SVIL: variants seen among roughly 807,000 people sequenced by gnomAD.
SVIL encodes the protein archvillin.
A neutral mutation model predicts 240.4 loss-of-function variants in SVIL; 101 were observed. The ratio of observed to expected loss-of-function variants is 0.42; its 90% confidence interval spans 0.36 to 0.50. The LOEUF is 0.50. Ranked by LOEUF, SVIL falls within the 20% of genes least tolerant of loss-of-function variation. The probability of loss-of-function intolerance (pLI) is 0.01; values close to 1 mark genes in which losing one functional copy is unlikely to be tolerated. For synonymous variants in SVIL, 999 were observed against 1,100.0 expected (o/e 0.91, Z 1.82); for missense variants, 2,512 against 2,818.7 (o/e 0.89, Z 2.46).
intron 1 of SVIL, among the ~76,000 whole-genome samples, chr10:29,691,608 C>T (rs1961517384): frequency 6.6e-6 from 1 of 152,200 alleles, no homozygotes; most frequent in South Asian, 2.1e-4. Context: ...GTCCACTAAT[C>T]CTGTCTCAGA....
chr10:29,658,790 C>T (rs1959077522), intron 2 of SVIL, among the ~76,000 whole-genome samples: 1 of 152,094 alleles, frequency 6.6e-6, no homozygotes, highest in Non-Finnish European at 1.5e-5. Flanking sequence ...AATATGGAGG[C>T]TTGGGAACAG....
At chr10:29,493,419 G>C (rs763993548) in intron 20 of SVIL, 28 bp from the exon 21 acceptor site, 17 of 1,610,974 alleles carry the variant, frequency 1.1e-5, no homozygotes, top group Non-Finnish European at 1.4e-5. Context: ...AAAGACATAA[G>C]AGTTTTATAA....
At position 29,474,085 on chromosome 10, in the gene SVIL, G is replaced by C. The variant is rs1457784918; in HGVS notation, c.5378-96C>G. The C allele has an allele frequency of 3.3e-6, 5 of 1,495,740 alleles. No individual in the cohort carries two copies. In the Admixed American group the frequency reaches 6.3e-5, roughly 19 times the overall value. 92.7% of individuals were successfully genotyped at this position (1,495,740 alleles called of 1,614,324 possible). ...ACTTTCCCCGGGCCTGCAAGGACCAGTGGCAAAGAGCCTCGGACCTAGGGC... is the reference window on the plus strand; with the variant it reads ...ACTTTCCCCGGGCCTGCAAGGACCACTGGCAAAGAGCCTCGGACCTAGGGC... On this transcript the variant is annotated intron_variant, in intron 29 of 37. Coordinates refer to ENST00000355867, the MANE Select transcript of SVIL (RefSeq NM_021738.3).
At chr10:29,699,949 A>G (rs953146533) in intron 1 of SVIL, among the ~76,000 whole-genome samples, 1 of 152,262 alleles carries the variant, frequency 6.6e-6, no homozygotes, top group Non-Finnish European at 1.5e-5. Context: ...AAGTGATTTG[A>G]AAAGCTTACT....
At position 29,514,128 on chromosome 10, in the gene SVIL, C is replaced by A. The variant is rs552478214; in HGVS notation, c.3390-1267G>T. Among the ~76,000 whole-genome samples, 258 of 152,060 alleles carry A rather than the reference C, an allele frequency of 1.7e-3. 13 individuals are homozygous for A. The South Asian group carries it at 0.052, about 31-fold the overall frequency. On this transcript the variant is annotated intron_variant, in intron 16 of 37. Transcript: ENST00000355867. Reference sequence around the variant, plus strand: ...CCAGGTCTTATTGATATCACTAATGCATAATCCACAAATGGTATAAATATT... The same window carrying A: ...CCAGGTCTTATTGATATCACTAATGAATAATCCACAAATGGTATAAATATT...
At chr10:29,607,794 A>G (rs1485659705) in intron 1 of SVIL, among the ~76,000 whole-genome samples, 1 of 152,222 alleles carries the variant, frequency 6.6e-6, no homozygotes, top group African/African-American at 2.4e-5. Context: ...AAGGCAGCTC[A>G]AGGCTTCCCA....
intron 1 of SVIL, among the ~76,000 whole-genome samples, chr10:29,580,670 T>A (rs1003970015): frequency 2.0e-5 from 3 of 152,194 alleles, no homozygotes; most frequent in Admixed American, 6.5e-5. Context: ...TATGTATGTA[T>A]GTATGTATTT....
At chr10:29,676,979 C>T (rs1188189406) in intron 2 of SVIL, among the ~76,000 whole-genome samples, 1 of 152,088 alleles carries the variant, frequency 6.6e-6, no homozygotes, top group Non-Finnish European at 1.5e-5. Flanking sequence ...ACGGACATTT[C>T]TAAATAAAGG....
chr10:29,727,740 CAAAAA>C (rs10607348), intron 1 of SVIL, among the ~76,000 whole-genome samples: 4 of 129,874 alleles, frequency 3.1e-5, no homozygotes, highest in Non-Finnish European at 3.2e-5. Flanking sequence ...GTCGTGAACA[CAAAAA>C]AAAAAAAAAA....
At chr10:29,527,197 A>C in intron 12 of SVIL, 141 bp from the exon 13 acceptor site, 1 of 808,942 alleles carries the variant, frequency 1.2e-6, no homozygotes, top group Non-Finnish European at 1.9e-6. Flanking sequence ...TGGGGAGAAA[A>C]AATCACGAAA....
intron 2 of SVIL, among the ~76,000 whole-genome samples, chr10:29,685,094 C>T (rs979921202): frequency 6.6e-6 from 1 of 152,110 alleles, no homozygotes; most frequent in Non-Finnish European, 1.5e-5. Context: ...CAAGTAGGCC[C>T]CAGTATCTGT....
At chr10:29,666,412 C>T (rs1959298388) in intron 2 of SVIL, among the ~76,000 whole-genome samples, 1 of 152,212 alleles carries the variant, frequency 6.6e-6, no homozygotes, top group Admixed American at 6.5e-5. Flanking sequence ...ATCTTTGTCA[C>T]TGCAAAAGTC....
intron 16 of SVIL, among the ~76,000 whole-genome samples, chr10:29,514,897 C>T (rs1950107812): frequency 6.6e-6 from 1 of 152,090 alleles, no homozygotes; most frequent in South Asian, 2.1e-4. Context: ...AATAAGAAAA[C>T]AAATTTTGTA....
At chr10:29,541,982 C>A (rs1193867624) in intron 6 of SVIL, among the ~76,000 whole-genome samples, 1 of 152,296 alleles carries the variant, frequency 6.6e-6, no homozygotes, top group South Asian at 2.1e-4. Context: ...GCTCACAGTG[C>A]GTTCCACTGA....
rs538677742 is a variant in SVIL at position 29,586,245 on chromosome 10, G to A, written c.-200-16933C>T. On this transcript the variant is annotated intron_variant, in intron 1 of 37. Transcript: ENST00000355867. The stretch of plus-strand genomic sequence containing the variant: ...ATGCAATTTGAGGAGAGAAATGTAC[G>A]ATGGAGAGGTTATTGAGTGCATTCA... Among the ~76,000 whole-genome samples the A allele has an allele frequency of 6.6e-5, 10 of 152,268 alleles. No homozygotes were observed. In the East Asian group the frequency reaches 1.7e-3, roughly 26 times the overall value.
intron 1 of SVIL, chr10:29,576,159 G>A (rs1257406659): frequency 1.0e-6 from 1 of 980,516 alleles, no homozygotes; most frequent in Non-Finnish European, 1.2e-6. Context: ...TGCTGTGAAC[G>A]ATGCCAATGG....
At chr10:29,679,221 A>G (rs1035877936) in intron 2 of SVIL, among the ~76,000 whole-genome samples, 5 of 152,036 alleles carry the variant, frequency 3.3e-5, no homozygotes, top group Non-Finnish European at 5.9e-5. Context: ...ACAAACAAAC[A>G]AAACAAAAAA....
chr10:29,531,930 C>T, intron 9 of SVIL, 72 bp downstream of exon 9: 1 of 1,526,988 alleles, frequency 6.5e-7, no homozygotes. Flanking sequence ...AGCGTCAAGA[C>T]CGTCAGTGTG....
intron 16 of SVIL, among the ~76,000 whole-genome samples, chr10:29,513,983 TAAA>T (rs35208566): frequency 7.9e-5 from 10 of 127,096 alleles, no homozygotes; most frequent in East Asian, 2.7e-4. Context: ...AGATAAAAGG[TAAA>T]AAAAAAAAAA....
Sources: gnomAD v4.1 joint callset for allele counts (sites outside exome capture counted in the v4.1 genomes callset) on GRCh38, gnomAD v4.1.1 for gene constraint, MANE v1.5 for transcripts, NCBI Gene and HGNC (gene_info 2026-07-23, HGNC 2026-07-21) for gene names.